The following ANKRD55 variants were observed in gnomAD, a reference collection of about 807,000 sequenced individuals.
The protein encoded by ANKRD55 is ankyrin repeat domain-containing protein 55.
Under a neutral mutation model 60.6 loss-of-function variants are expected in ANKRD55, and 41 were observed. The observed-to-expected ratio is 0.68, with a 90% CI of 0.53 to 0.88. The LOEUF (loss-of-function observed/expected upper bound fraction) is 0.88, where lower values mean the gene tolerates loss of function less well. ANKRD55 is among the 40% of genes least tolerant of loss of function. The pLI, the probability that ANKRD55 is intolerant of heterozygous loss-of-function variation, is 0.00. For missense variants in ANKRD55, 732 were observed against 767.6 expected, an observed-to-expected ratio of 0.95 and a Z score of 0.55; for synonymous variants, 264 against 290.3, an observed-to-expected ratio of 0.91 and a Z score of 0.92.
In ANKRD55 at chr5:56,111,206, C is replaced by T. The variant is rs760775817; in HGVS notation, c.1542G>A (p.Lys514=). 7 of 1,614,214 alleles carry T rather than the reference C, an allele frequency of 4.3e-6. No individual in the cohort carries two copies. The South Asian group carries it at 7.7e-5, about 18-fold the overall frequency. Reference sequence around the variant, plus strand: ...GGACACTGAGCAATCTGTCCAGCAGCTTATCAGAAGAAGACACAGTCCAAA... The same window carrying T: ...GGACACTGAGCAATCTGTCCAGCAGTTTATCAGAAGAAGACACAGTCCAAA... ...YKVWTVSSSD[K]LLDRLLSVRP... is the part of the protein sequence containing the mutation. The change falls in exon 10 of 12, where the codon AAG becomes AAA. Residue 514 remains lysine (K), a synonymous_variant. Transcript: ENST00000341048.
intron 5 of ANKRD55, among the ~76,000 whole-genome samples, chr5:56,167,484 T>C (rs1349797891): frequency 1.3e-5 from 2 of 152,250 alleles, no homozygotes; most frequent in African/African-American, 4.8e-5. Context: ...GCTGTATGGT[T>C]GTTAGGACTT....
At chr5:56,233,122 A>G in intron 1 of ANKRD55, 119 bp downstream of exon 1, 1 of 595,960 alleles carries the variant, frequency 1.7e-6, no homozygotes, top group South Asian at 2.0e-5. Context: ...CTAGGAAAAG[A>G]GTTACTCTAT....
intron 4 of ANKRD55, among the ~76,000 whole-genome samples, chr5:56,171,700 C>T (rs1758613779): frequency 6.6e-6 from 1 of 152,042 alleles, no homozygotes; most frequent in African/African-American, 2.4e-5. Flanking sequence ...ATAGGATAAC[C>T]CTCTATTTTG....
At chr5:56,220,674 A>G (rs1356592325) in intron 2 of ANKRD55, among the ~76,000 whole-genome samples, 2 of 152,162 alleles carry the variant, frequency 1.3e-5, no homozygotes. Context: ...TTAGATGGTC[A>G]TGATGGTGGG....
In ANKRD55 at chr5:56,112,511, A is replaced by AAAAAAAAAACAAAAAAACAAAAAAAC. The variant is rs61268045; in HGVS notation, c.966-730_966-729insGTTTTTTTGTTTTTTTGTTTTTTTTT. Among the ~76,000 whole-genome samples, 31 of 81,526 alleles carry AAAAAAAAAACAAAAAAACAAAAAAAC rather than the reference A, an allele frequency of 3.8e-4. 2 individuals carry two copies. Among genetic ancestry groups the AAAAAAAAAACAAAAAAACAAAAAAAC allele is most frequent in the African/African-American group, 1.6e-3 (29 of 18,534 alleles). 53.5% of individuals were successfully genotyped at this position (81,526 alleles called of 152,430 possible). ...GCAGGATCTCATCTCTAGCAAAAAA[A>AAAAAAAAAACAAAAAAACAAAAAAAC]AAAAAAAAAAACAACCAAGGAAAGA... On this transcript the variant is annotated intron_variant, in intron 9 of 11. Coordinates refer to ENST00000341048, the MANE Select transcript of ANKRD55 (RefSeq NM_024669.3).
chr5:56,150,481 G>A (rs1314650843), intron 6 of ANKRD55, among the ~76,000 whole-genome samples: 1 of 151,660 alleles, frequency 6.6e-6, no homozygotes, highest in Non-Finnish European at 1.5e-5. Context: ...GTATGCGCCT[G>A]TAGTCCCAGC....
intron 4 of ANKRD55, among the ~76,000 whole-genome samples, chr5:56,174,380 T>C (rs1183199631): frequency 6.6e-6 from 1 of 152,306 alleles, no homozygotes; most frequent in South Asian, 2.1e-4. Context: ...AGAAACCCCT[T>C]CTATGCCCTT....
chr5:56,183,892 C>T (rs1376088108), intron 2 of ANKRD55, among the ~76,000 whole-genome samples: 2 of 152,180 alleles, frequency 1.3e-5, no homozygotes, highest in Non-Finnish European at 2.9e-5. Flanking sequence ...TGATTATTTC[C>T]AGGCATTCAG....
At chr5:56,144,835 T>G (rs1374071124) in intron 6 of ANKRD55, among the ~76,000 whole-genome samples, 1 of 152,184 alleles carries the variant, frequency 6.6e-6, no homozygotes, top group African/African-American at 2.4e-5. Context: ...GAGCCAGCGT[T>G]ATCTGAACGT....
At chr5:56,212,766 G>A (rs1332355602) in intron 2 of ANKRD55, among the ~76,000 whole-genome samples, 1 of 152,164 alleles carries the variant, frequency 6.6e-6, no homozygotes, top group Non-Finnish European at 1.5e-5. Context: ...ACCACTATGT[G>A]GCACTGACCA....
intron 11 of ANKRD55, 30 bp downstream of exon 11, chr5:56,102,464 A>T (rs1485042652): frequency 6.8e-7 from 1 of 1,460,718 alleles, no homozygotes; most frequent in Non-Finnish European, 9.6e-7. Context: ...ACACTTGCAA[A>T]GGAAGCTGCG....
chr5:56,179,023 C>A (rs1238601697), intron 3 of ANKRD55, among the ~76,000 whole-genome samples: 2 of 152,036 alleles, frequency 1.3e-5, no homozygotes, highest in African/African-American at 4.8e-5. Flanking sequence ...TACCTTATAA[C>A]CCTGTAATTC....
intron 10 of ANKRD55, among the ~76,000 whole-genome samples, chr5:56,109,967 G>A (rs1459963581): frequency 6.6e-6 from 1 of 151,956 alleles, no homozygotes; most frequent in Non-Finnish European, 1.5e-5. Context: ...GTAGTGAGCA[G>A]AGATCGTGTC....
intron 2 of ANKRD55, among the ~76,000 whole-genome samples, chr5:56,219,059 G>T (rs1759895489): frequency 1.3e-5 from 2 of 151,944 alleles, no homozygotes; most frequent in Admixed American, 1.3e-4. Flanking sequence ...GATCACTTGA[G>T]GTCAGGAGTT....
At chr5:56,100,369 G>A (rs1194111125) in intron 11 of ANKRD55, 65 bp from the exon 12 acceptor site, 7 of 1,596,038 alleles carry the variant, frequency 4.4e-6, no homozygotes, top group Non-Finnish European at 6.0e-6. Context: ...GGCGGCAGGA[G>A]AATTGTATTG....
intron 7 of ANKRD55, among the ~76,000 whole-genome samples, chr5:56,141,906 T>G (rs1288853323): frequency 6.6e-6 from 1 of 152,172 alleles, no homozygotes; most frequent in African/African-American, 2.4e-5. Flanking sequence ...CAAAGATACC[T>G]TTATCAGTTA....
At position 56,149,893 on chromosome 5, in the gene ANKRD55, G is replaced by A. The variant is rs1364190361; in HGVS notation, c.484-5964C>T. ...GTCTCATTCTGTCACCCAGGCTGGA[G>A]TGCAGTGGCACCATCTCGGCTTACT... On this transcript the variant is annotated intron_variant, in intron 6 of 11. Transcript: ENST00000341048. Among the ~76,000 whole-genome samples the A allele has an allele frequency of 3.3e-5, 5 of 150,500 alleles. No individual in the cohort carries two copies. In the East Asian group the frequency reaches 7.8e-4, roughly 23 times the overall value.
Position 56,119,349 on chromosome 5 carries a change from T to C in ANKRD55, c.798-2567A>G, listed in dbSNP as rs117312993. Among the ~76,000 whole-genome samples the C allele has an allele frequency of 3.9e-5, 6 of 152,314 alleles. No homozygotes were observed. In the East Asian group the frequency reaches 1.2e-3, roughly 29 times the overall value. The stretch of plus-strand genomic sequence containing the variant: ...ATCAGTCTCAAAGGATGACCTACTG[T>C]ATATTTCCGCTTACATGACCTTCTG... On this transcript the variant is annotated intron_variant, in intron 8 of 11. Coordinates refer to ENST00000341048, the MANE Select transcript of ANKRD55 (RefSeq NM_024669.3).
At chr5:56,166,086 T>TCTTCTTTCTTTC (rs1554040775) in intron 5 of ANKRD55, among the ~76,000 whole-genome samples, 3 of 91,774 alleles carry the variant, frequency 3.3e-5, no homozygotes, top group African/African-American at 1.1e-4. Context: ...TTTCTTTTCT[T>TCTTCTTTCTTTC]TTTCTTTCTT....
Sources: gnomAD v4.1 joint callset for allele counts (sites outside exome capture counted in the v4.1 genomes callset) on GRCh38, gnomAD v4.1.1 for gene constraint, MANE v1.5 for transcripts, NCBI Gene and HGNC (gene_info 2026-07-23, HGNC 2026-07-21) for gene names.